The following DLGAP2 variants were observed in gnomAD, a reference collection of about 807,000 sequenced individuals.
DLGAP2 encodes the protein disks large-associated protein 2.
DLGAP2 carries 26 observed loss-of-function variants against 100.3 expected under a neutral mutation model. That is an observed-to-expected ratio of 0.26 (90% CI 0.19 to 0.36). DLGAP2 has a LOEUF of 0.36. Among genes scored for constraint, DLGAP2 ranks in the 10% least tolerant of loss-of-function variants. DLGAP2 has a pLI of 1.00. For synonymous variants in DLGAP2, 886 were observed against 630.1 expected (o/e 1.41, Z -6.08); for missense variants, 1,858 against 1,453.2 (o/e 1.28, Z -4.53).
intron 2 of DLGAP2, among the ~76,000 whole-genome samples, chr8:1,056,723 C>A (rs978801706): frequency 2.6e-5 from 4 of 152,224 alleles, no homozygotes; most frequent in African/African-American, 9.6e-5. Context: ...TGAATTCTGA[C>A]CCTGCCAGAT....
At chr8:849,589 G>T (rs7825015) in intron 1 of DLGAP2, among the ~76,000 whole-genome samples, 5 of 152,192 alleles carry the variant, frequency 3.3e-5, no homozygotes, top group African/African-American at 1.2e-4. Context: ...AGGTTCCAGC[G>T]GTGCAACATC....
chr8:855,542 C>T (rs1021567558), intron 1 of DLGAP2, among the ~76,000 whole-genome samples: 4 of 152,156 alleles, frequency 2.6e-5, no homozygotes, highest in African/African-American at 9.7e-5. Flanking sequence ...GTCACACAGA[C>T]ACATCAGGAG....
intron 2 of DLGAP2, among the ~76,000 whole-genome samples, chr8:1,118,007 G>A (rs567965728): frequency 1.1e-4 from 16 of 152,218 alleles, no homozygotes; most frequent in African/African-American, 3.1e-4. Flanking sequence ...AAGCAAATTC[G>A]TTAATATTGA....
intron 3 of DLGAP2, among the ~76,000 whole-genome samples, chr8:1,429,963 C>T: frequency 1.1e-5 from 1 of 94,112 alleles, no homozygotes; most frequent in Admixed American, 1.5e-4. Context: ...CTGAAAATAT[C>T]ATCCTGCAGA....
chr8:1,422,070 C>G (rs142202091), intron 3 of DLGAP2, among the ~76,000 whole-genome samples: 1 of 152,062 alleles, frequency 6.6e-6, no homozygotes, highest in African/African-American at 2.4e-5. Context: ...GCACCGAGGG[C>G]GAGGCTGCGT....
intron 2 of DLGAP2, among the ~76,000 whole-genome samples, chr8:1,211,785 G>A (rs1239694958): frequency 6.6e-6 from 1 of 152,246 alleles, no homozygotes; most frequent in Non-Finnish European, 1.5e-5. Flanking sequence ...TGAGGCAGGA[G>A]AATTGCTTGA....
At chr8:1,314,511 T>A (rs569985164) in intron 3 of DLGAP2, among the ~76,000 whole-genome samples, 1 of 152,342 alleles carries the variant, frequency 6.6e-6, no homozygotes, top group Non-Finnish European at 1.5e-5. Flanking sequence ...ATAACACTTT[T>A]AACATGTCAG....
intron 3 of DLGAP2, among the ~76,000 whole-genome samples, chr8:1,499,802 A>G (rs1799655587): frequency 6.6e-6 from 1 of 152,248 alleles, no homozygotes; most frequent in Admixed American, 6.5e-5. Context: ...CCTCTTCATC[A>G]GCATCTCACA....
intron 1 of DLGAP2, among the ~76,000 whole-genome samples, chr8:812,477 TGAA>T (rs1796390779): frequency 6.6e-6 from 1 of 152,122 alleles, no homozygotes; most frequent in Non-Finnish European, 1.5e-5. Flanking sequence ...AATGTAAAAT[TGAA>T]GAAAGGGTGG....
intron 3 of DLGAP2, among the ~76,000 whole-genome samples, chr8:1,469,612 T>C (rs1798723210): frequency 6.6e-6 from 1 of 152,212 alleles, no homozygotes; most frequent in African/African-American, 2.4e-5. Flanking sequence ...CTGGCAGCTC[T>C]TGGGCAACGT....
At chr8:1,573,823 G>A (rs1016797825) in intron 6 of DLGAP2, among the ~76,000 whole-genome samples, 6 of 152,146 alleles carry the variant, frequency 3.9e-5, no homozygotes, top group African/African-American at 7.2e-5. Flanking sequence ...GAGGCACCCC[G>A]ACAGCCGGCA....
Position 1,600,762 on chromosome 8 carries a change from T to C in DLGAP2, c.1443-25978T>C, listed in dbSNP as rs1277382586. Among the ~76,000 whole-genome samples the C allele has an allele frequency of 2.6e-5, 4 of 152,218 alleles. No individual in the cohort carries two copies. In the South Asian group the frequency reaches 6.2e-4, roughly 24 times the overall value. ...TCTTCTCTAAACTGGTTATTCTAGT[T>C]AGCAATTCCTGTAACCTTTTTTCAA... On this transcript the variant is annotated intron_variant, in intron 6 of 14. Transcript: ENST00000637795.
chr8:1,529,544 A>G (rs1800915123), intron 4 of DLGAP2, among the ~76,000 whole-genome samples: 1 of 152,190 alleles, frequency 6.6e-6, no homozygotes, highest in Admixed American at 6.5e-5. Context: ...AAGCACCAAA[A>G]ATATTAATTA....
At chr8:978,708 T>C (rs1800239044) in intron 2 of DLGAP2, among the ~76,000 whole-genome samples, 1 of 151,966 alleles carries the variant, frequency 6.6e-6, no homozygotes, top group South Asian at 2.1e-4. Context: ...AGGGGCTGAG[T>C]TCTGGTCTTT....
intron 6 of DLGAP2, among the ~76,000 whole-genome samples, chr8:1,594,665 C>A (rs1405615449): frequency 6.6e-6 from 1 of 152,194 alleles, no homozygotes; most frequent in South Asian, 2.1e-4. Flanking sequence ...CTCAAGTGAT[C>A]TGCCCACCTC....
chr8:1,323,716 G>T (rs1393078317), intron 3 of DLGAP2, among the ~76,000 whole-genome samples: 1 of 152,212 alleles, frequency 6.6e-6, no homozygotes, highest in Admixed American at 6.5e-5. Flanking sequence ...AGGTGAGACA[G>T]GAGCCCTGCC....
At chr8:745,158 T>A (rs1820587655) in intron 1 of DLGAP2, among the ~76,000 whole-genome samples, 1 of 152,264 alleles carries the variant, frequency 6.6e-6, no homozygotes, top group Non-Finnish European at 1.5e-5. Flanking sequence ...CCTTTTTTCT[T>A]GGTCTTTAAT....
chr8:866,999 G>A (rs907663935), intron 1 of DLGAP2, among the ~76,000 whole-genome samples: 4 of 152,112 alleles, frequency 2.6e-5, no homozygotes, highest in African/African-American at 9.7e-5. Flanking sequence ...TCTCCAAATC[G>A]AGGGCCTCTG....
At chr8:1,344,241 C>T (rs775346028) in intron 3 of DLGAP2, among the ~76,000 whole-genome samples, 1 of 96,216 alleles carries the variant, frequency 1.0e-5, no homozygotes, top group Non-Finnish European at 2.2e-5. Context: ...TCTGTAGCTG[C>T]ACACTTCGCC....
Sources: allele counts gnomAD v4.1 joint callset (sites outside exome capture counted in the v4.1 genomes callset), GRCh38; gene constraint gnomAD v4.1.1; transcripts MANE v1.5; gene names NCBI Gene and HGNC (gene_info 2026-07-23, HGNC 2026-07-21).